Variants in PRAF2 observed in about 807,000 individuals in gnomAD.
PRAF2 encodes PRA1 domain family member 2, also known as PRA1 family protein 2.
PRAF2 carries 5 observed loss-of-function variants against 9.7 expected under a neutral mutation model. The ratio of observed to expected loss-of-function variants is 0.51; its 90% CI spans 0.27 to 1.08. The LOEUF is 1.08. Among genes scored for constraint, PRAF2 ranks in the 50% least tolerant of loss-of-function variants. The pLI is 0.12. For missense variants in PRAF2, 135 were observed against 160.7 expected, an observed-to-expected ratio of 0.84 and a Z score of 0.86; for synonymous variants, 61 against 76.6, an observed-to-expected ratio of 0.80 and a Z score of 1.06.
In PRAF2 at chrX:49,072,466, T is replaced by G. The variant is rs2065014587; in HGVS notation, c.364A>C (p.Thr122Pro). ...LVLWVAGGAC[T>P]FLFSIAGPVL... is the part of the protein sequence containing the mutation. Reference sequence around the variant, plus strand: ...GGCCCGGCGATGCTGAACAGGAAGGTGCAAGCGCCGCCCGCGACCCAGAGC... The same window carrying G: ...GGCCCGGCGATGCTGAACAGGAAGGGGCAAGCGCCGCCCGCGACCCAGAGC... Residue 122 changes from threonine to proline, a missense_variant, in exon 2 of 3, where the codon ACC becomes CCC. Physicochemically the swap from Thr to Pro is conservative, Grantham distance 38. Transcript: ENST00000553851. The G allele has an allele frequency of 5.9e-6, 7 of 1,193,771 alleles. No individual in the cohort carries two copies. The highest frequency in any genetic ancestry group is 6.8e-6 in the Non-Finnish European group (6 of 887,307).
chrX:49,071,579 A>T lies in PRAF2; in HGVS notation c.*290T>A. 1 of 186,181 alleles carries T rather than the reference A, an allele frequency of 5.4e-6. No homozygotes were observed. Among genetic ancestry groups the T allele is most frequent in the Non-Finnish European group, 9.3e-6 (1 of 107,795 alleles). The allele number at this position is 186,181 out of a possible 1,213,427, so 15.3% of individuals were successfully genotyped here. A position where few individuals can be genotyped will look rare whatever the true frequency, so the allele number is the denominator to read the frequency against. Reference sequence around the variant, plus strand: ...AGTGTCTCTGGGTTCACAATTTGAAATTGGCCATGGATGCTCTGGCCTGAA... The same window carrying T: ...AGTGTCTCTGGGTTCACAATTTGAATTTGGCCATGGATGCTCTGGCCTGAA... On this transcript the variant is annotated 3_prime_UTR_variant, in exon 3 of 3. Transcript: ENST00000553851.
chrX:49,073,097 C>G (rs1557083426), intron 1 of PRAF2, among the ~76,000 whole-genome samples: 2 of 111,292 alleles, frequency 1.8e-5, no homozygotes, highest in South Asian at 7.5e-4. Flanking sequence ...GAACCGCCCT[C>G]CAGGCTCCCA....
intron 1 of PRAF2, among the ~76,000 whole-genome samples, chrX:49,073,487 T>G (rs1474465981): frequency 9.2e-6 from 1 of 109,045 alleles, no homozygotes; most frequent in African/African-American, 3.4e-5. Flanking sequence ...GGGCCCTCCT[T>G]TTTTTCCGGT....
In PRAF2 at chrX:49,072,620, G is replaced by A. The variant is rs1268617400; in HGVS notation, c.210C>T (p.Ser70=). ...GYVRPLHTLL[S]ALVVAVALGV... Reference sequence around the variant, plus strand: ...CGAGGGCCACCGCCACTACCAGCGCGCTCAGGAGCGTATGAAGTGGCCGCA... The same window carrying A: ...CGAGGGCCACCGCCACTACCAGCGCACTCAGGAGCGTATGAAGTGGCCGCA... Residue 70 remains serine, a synonymous_variant, in exon 2 of 3, where the codon AGC becomes AGT. Transcript: ENST00000553851. The A allele has an allele frequency of 2.6e-6, 3 of 1,165,178 alleles. No homozygotes were observed. In the Admixed American group the frequency reaches 7.7e-5, roughly 30 times the overall value.
chrX:49,072,473 G>A lies in PRAF2; in HGVS notation c.357C>T (p.Gly119=). ...VGLLVLWVAG[G]ACTFLFSIAG... ...CGATGCTGAACAGGAAGGTGCAAGCGCCGCCCGCGACCCAGAGCACCAGGA... is the reference window on the plus strand; with the variant it reads ...CGATGCTGAACAGGAAGGTGCAAGCACCGCCCGCGACCCAGAGCACCAGGA... Residue 119 remains glycine (G), a synonymous_variant, in exon 2 of 3, where the codon GGC becomes GGT. Transcript: ENST00000553851. 2 of 1,195,056 alleles carry A rather than the reference G, an allele frequency of 1.7e-6. No individual in the cohort carries two copies. Among genetic ancestry groups the A allele is most frequent in the South Asian group, 3.7e-5 (2 of 54,717 alleles).
chrX:49,073,442 C>T (rs782817014), intron 1 of PRAF2, among the ~76,000 whole-genome samples: 2 of 110,767 alleles, frequency 1.8e-5, no homozygotes, highest in Non-Finnish European at 3.8e-5. Context: ...TCACACCCCC[C>T]CTACGCCCCT....
intron 1 of PRAF2, among the ~76,000 whole-genome samples, chrX:49,073,310 C>T (rs2147812879): frequency 9.0e-6 from 1 of 110,814 alleles, no homozygotes; most frequent in East Asian, 2.9e-4. Context: ...CATAGCCAGG[C>T]TCCCCTCCAA....
chrX:49,072,251 C>T, intron 2 of PRAF2, 182 bp downstream of exon 2: 1 of 609,727 alleles, frequency 1.6e-6, no homozygotes, highest in Non-Finnish European at 2.5e-6. Flanking sequence ...ATAGGAAAGG[C>T]GATAATAAAA....
chrX:49,071,700 T>C lies in PRAF2; in HGVS notation c.*169A>G, dbSNP rs2065011341. On this transcript the variant is annotated 3_prime_UTR_variant, in exon 3 of 3. Transcript: ENST00000553851. Reference sequence around the variant, plus strand: ...GGTAATGGGGGCTGGGTGTGAGGGATATCTTAGTTTGGGGCTGGCGTGGGG... The same window carrying C: ...GGTAATGGGGGCTGGGTGTGAGGGACATCTTAGTTTGGGGCTGGCGTGGGG... The C allele has an allele frequency of 8.4e-6, 4 of 473,755 alleles. No individual in the cohort carries two copies. The South Asian group carries it at 1.7e-4, about 20-fold the overall frequency. The allele number at this position is 473,755 out of a possible 1,213,427, so 39.0% of individuals were successfully genotyped here.
chrX:49,073,884 T>C lies in PRAF2; in HGVS notation c.104A>G (p.His35Arg). ...GTAGAGGAGGTTGTTGATGACGCGG[T>C]GGCACCATCGCTGCGGGTCGCATGG... Reference protein sequence around the residue: ...PDPCDPQRWCHRVINNLLYYQ... With the variant: ...PDPCDPQRWCRRVINNLLYYQ... The change falls in exon 1 of 3, where the codon CAC becomes CGC. Residue 35 changes from histidine to arginine, a missense_variant. Transcript: ENST00000553851. The C allele has an allele frequency of 8.2e-7, 1 of 1,212,199 alleles. No homozygotes were observed. The highest frequency in any genetic ancestry group is 1.1e-6 in the Non-Finnish European group (1 of 895,553).
rs782729875 is a variant in PRAF2 at position 49,072,577 on chromosome X, C to A, written c.253G>T (p.Ala85Ser). ...AVALGVLVWA[A>S]ETRAAVRRCR... ...CGGCGCACAGCTGCGCGGGTCTCAG[C>A]TGCCCACACCAGCACGCCGAGGGCC... Residue 85 changes from alanine (A) to serine (S), a missense_variant, in exon 2 of 3, where the codon GCT becomes TCT. Ala to Ser is a moderately conservative substitution (Grantham distance 99). Transcript: ENST00000553851. The A allele has an allele frequency of 8.6e-7, 1 of 1,165,483 alleles. No individual in the cohort carries two copies. The highest frequency in any genetic ancestry group is 1.9e-5 in the South Asian group (1 of 52,696).
chrX:49,072,050 C>T (rs1557083194), intron 2 of PRAF2, 42 bp from the exon 3 acceptor site: 16 of 1,171,750 alleles, frequency 1.4e-5, no homozygotes, highest in Non-Finnish European at 1.8e-5. Context: ...GAATAGACCT[C>T]AGCCTGCAGC....
rs1557083609 is a variant in PRAF2 at position 49,073,990 on chromosome X, T to G, written c.-3A>C. On this transcript the variant is annotated 5_prime_UTR_variant, in exon 1 of 3. Coordinates refer to ENST00000553851, the MANE Select transcript of PRAF2 (RefSeq NM_007213.3). Reference sequence around the variant, plus strand: ...GGTGGCAGCCGCACCTCCGACATCCTGCCGGTTAATGTGGCTGGACCAGCC... The same window carrying G: ...GGTGGCAGCCGCACCTCCGACATCCGGCCGGTTAATGTGGCTGGACCAGCC... The G allele has an allele frequency of 8.4e-7, 1 of 1,195,013 alleles. No homozygotes were observed. The highest frequency in any genetic ancestry group is 1.1e-6 in the Non-Finnish European group (1 of 887,928).
chrX:49,071,867 G>A lies in PRAF2; in HGVS notation c.*2C>T. 8.3e-7 allele frequency: 1 copy of A among 1,206,942 alleles called. No individual in the cohort carries two copies. Among genetic ancestry groups the A allele is most frequent in the East Asian group, 3.0e-5 (1 of 33,710 alleles). The stretch of plus-strand genomic sequence containing the variant: ...CAGGTCCTGGGTACAGATCCCAGGG[G>A]CCTAGGATCCAGCCTCCTGCTCTTG... On this transcript the variant is annotated 3_prime_UTR_variant, in exon 3 of 3. Coordinates refer to ENST00000553851, the MANE Select transcript of PRAF2 (RefSeq NM_007213.3).
intron 1 of PRAF2, among the ~76,000 whole-genome samples, chrX:49,073,606 A>G (rs1299231312): frequency 1.9e-5 from 2 of 107,876 alleles, no homozygotes; most frequent in East Asian, 5.8e-4. Flanking sequence ...GCCAGGCTCC[A>G]TCTCCCTGAG....
rs34565429 is a variant in PRAF2 at position 49,073,822 on chromosome X, G to A, written c.166C>T (p.Leu56Phe). The A allele has an allele frequency of 5.4e-3, 6,576 of 1,210,967 alleles. 19 individuals carry two copies. Among genetic ancestry groups the A allele is most frequent in the Non-Finnish European group, 6.9e-3 (6,145 of 895,307 alleles). The part of the protein sequence containing the change: ...TNYLLCFGIG[L>F]ALAGYVRPLH... ...TCCCTCCCTCACCCGGCGAGAGCGA[G>A]GCCGATGCCGAAGCAGAGAAGGTAG... is the stretch of plus-strand genomic sequence containing the variant. The change falls in exon 1 of 3, where the codon CTC (leucine) becomes TTC (phenylalanine). Residue 56 changes from leucine to phenylalanine, a missense_variant. Coordinates refer to ENST00000553851, the MANE Select transcript of PRAF2 (RefSeq NM_007213.3).
chrX:49,072,068 G>A, intron 2 of PRAF2, 60 bp from the exon 3 acceptor site: 1 of 1,150,829 alleles, frequency 8.7e-7, no homozygotes, highest in Admixed American at 2.5e-5. Context: ...AGCCAACCGG[G>A]GCCCACCGAA....
chrX:49,072,059 G>A (rs782239063), intron 2 of PRAF2, 51 bp from the exon 3 acceptor site: 1 of 1,155,590 alleles, frequency 8.7e-7, no homozygotes, highest in African/African-American at 1.8e-5. Flanking sequence ...TCAGCCTGCA[G>A]CCAACCGGGG....
chrX:49,072,302 T>C, intron 2 of PRAF2, 131 bp downstream of exon 2: 1 of 827,663 alleles, frequency 1.2e-6, no homozygotes, highest in African/African-American at 2.1e-5. Context: ...GGGAAGGCGC[T>C]TTTAGCGGGG....
Sources: gnomAD v4.1 joint callset for allele counts (sites outside exome capture counted in the v4.1 genomes callset) on GRCh38, gnomAD v4.1.1 for gene constraint, MANE v1.5 for transcripts, NCBI Gene and HGNC (gene_info 2026-07-23, HGNC 2026-07-21) for gene names.